TRPC5: variants seen among roughly 807,000 people sequenced by gnomAD.
The protein encoded by TRPC5 is short transient receptor potential channel 5.
In TRPC5, 9 loss-of-function variants were observed where a neutral mutation model predicts 56.5. The observed-to-expected ratio is 0.16, with a 90% CI of 0.10 to 0.28. The LOEUF (loss-of-function observed/expected upper bound fraction) is 0.28. Ranked by LOEUF, TRPC5 falls within the 10% of genes least tolerant of loss-of-function variation. TRPC5 has a pLI of 1.00. For missense variants in TRPC5, 469 were observed against 748.9 expected, an observed-to-expected ratio of 0.63 and a Z score of 4.36; for synonymous variants, 282 against 278.5, an observed-to-expected ratio of 1.01 and a Z score of -0.13.
In TRPC5 at chrX:111,853,933, C is replaced by G. The variant is rs756463091; in HGVS notation, c.1074G>C (p.Leu358=). The G allele has an allele frequency of 4.1e-6, 5 of 1,209,985 alleles. No individual in the cohort carries two copies. In the East Asian group the frequency reaches 8.9e-5, roughly 22 times the overall value. ...YLISPRSNLG[L]FIKKPFIKFI... is the part of the protein sequence containing the mutation. ...ACTTGATAAAGGGTTTCTTGATGAACAGCCCAAGGTTGCTCCTGGGTGAGA... is the reference window on the plus strand; with the variant it reads ...ACTTGATAAAGGGTTTCTTGATGAAGAGCCCAAGGTTGCTCCTGGGTGAGA... The change falls in exon 4 of 11, where the codon CTG becomes CTC. Residue 358 remains leucine, a synonymous_variant. Transcript: ENST00000262839.
At chrX:111,961,460 G>A (rs1927378875) in intron 1 of TRPC5, among the ~76,000 whole-genome samples, 1 of 111,363 alleles carries the variant, frequency 9.0e-6, no homozygotes, top group African/African-American at 3.3e-5. Flanking sequence ...TCTCTTGTGG[G>A]GAAGTAGCTC....
At chrX:111,856,314 GGGAGATTGCTTGACGCCA>G (rs1923226577) in intron 3 of TRPC5, among the ~76,000 whole-genome samples, 1 of 110,082 alleles carries the variant, frequency 9.1e-6, no homozygotes. Context: ...GGCCAAGGCG[GGGAGATTGCTTGACGCCA>G]GGAATTCAAG....
intron 1 of TRPC5, among the ~76,000 whole-genome samples, chrX:112,041,097 C>T (rs1929880248): frequency 9.0e-6 from 1 of 111,518 alleles, no homozygotes; most frequent in African/African-American, 3.3e-5. Flanking sequence ...TCAGCATTTC[C>T]AACCTACTAT....
intron 1 of TRPC5, among the ~76,000 whole-genome samples, chrX:112,047,016 C>T (rs771039671): frequency 8.9e-6 from 1 of 111,769 alleles, no homozygotes; most frequent in Non-Finnish European, 1.9e-5. Context: ...GAGAAGGAAT[C>T]GCTCCACTAG....
At chrX:112,035,263 C>G (rs1460077606) in intron 1 of TRPC5, among the ~76,000 whole-genome samples, 1 of 110,527 alleles carries the variant, frequency 9.0e-6, no homozygotes, top group Admixed American at 9.7e-5. Context: ...GGTGGCTACT[C>G]TGGATATCAG....
intron 1 of TRPC5, among the ~76,000 whole-genome samples, chrX:112,053,913 G>T (rs1930278742): frequency 9.0e-6 from 1 of 111,613 alleles, no homozygotes; most frequent in African/African-American, 3.3e-5. Flanking sequence ...TATTGAATTA[G>T]CTCACATGTA....
At chrX:111,991,686 G>A (rs768143801) in intron 1 of TRPC5, among the ~76,000 whole-genome samples, 1 of 111,884 alleles carries the variant, frequency 8.9e-6, no homozygotes, top group African/African-American at 3.2e-5. Context: ...TCACACCTAG[G>A]TCTATTCATC....
chrX:112,021,925 A>C (rs994095079), intron 1 of TRPC5, among the ~76,000 whole-genome samples: 2 of 112,580 alleles, frequency 1.8e-5, no homozygotes, highest in Non-Finnish European at 3.7e-5. Flanking sequence ...AAGTCTGTGA[A>C]GATTAAGAAT....
chrX:111,964,371 G>C (rs990968722), intron 1 of TRPC5, among the ~76,000 whole-genome samples: 4 of 112,338 alleles, frequency 3.6e-5, no homozygotes, highest in Non-Finnish European at 7.5e-5. Flanking sequence ...AAGTAACAGG[G>C]AGAATGGAAC....
intron 1 of TRPC5, among the ~76,000 whole-genome samples, chrX:112,068,666 C>T (rs1930644799): frequency 9.0e-6 from 1 of 111,263 alleles, no homozygotes; most frequent in Non-Finnish European, 1.9e-5. Flanking sequence ...TTGCTGGGAC[C>T]ATGTGGAACA....
At position 111,823,839 on chromosome X, in the gene TRPC5, G is replaced by A. The variant is rs113439712; in HGVS notation, c.1896+11082C>T. Among the ~76,000 whole-genome samples the A allele has an allele frequency of 2.7e-3, 296 of 110,801 alleles. 2 individuals are homozygous for A. Among genetic ancestry groups the A allele is most frequent in the African/African-American group, 9.4e-3 (287 of 30,462 alleles). On this transcript the variant is annotated intron_variant, in intron 7 of 10. Transcript: ENST00000262839. Reference sequence around the variant, plus strand: ...GAAGTCTGAGGTTGGGCAGGGGTCCGGTGTGGTTTGTGTATCAGGGCCTGG... The same window carrying A: ...GAAGTCTGAGGTTGGGCAGGGGTCCAGTGTGGTTTGTGTATCAGGGCCTGG...
intron 1 of TRPC5, among the ~76,000 whole-genome samples, chrX:112,008,599 C>CAAAA (rs771663324): frequency 1.4e-5 from 1 of 74,042 alleles, no homozygotes; most frequent in African/African-American, 4.5e-5. Context: ...GACTCTGTCT[C>CAAAA]AAAAAAAAAA....
rs145046410 is a variant in TRPC5 at position 111,928,535 on chromosome X, C to T, written c.379-15723G>A. On this transcript the variant is annotated intron_variant, in intron 2 of 10. Coordinates refer to ENST00000262839, the MANE Select transcript of TRPC5 (RefSeq NM_012471.3). ...CAATTTTATTGCTTTGAACTGGCAG[C>T]TGCATTGTCAATAGTGCAGTCTCAA... 4.0e-3 allele frequency among the ~76,000 whole-genome samples: 454 copies of T among 112,143 alleles called. 2 individuals carry two copies. Among genetic ancestry groups the T allele is most frequent in the African/African-American group, 0.014 (434 of 30,897 alleles).
intron 1 of TRPC5, among the ~76,000 whole-genome samples, chrX:112,076,231 C>T (rs1930831484): frequency 9.1e-6 from 1 of 109,865 alleles, no homozygotes; most frequent in Non-Finnish European, 1.9e-5. Flanking sequence ...TGGAACATAC[C>T]AAAGGACTGG....
chrX:111,829,000 G>T (rs1042815655), intron 7 of TRPC5, among the ~76,000 whole-genome samples: 1 of 111,782 alleles, frequency 8.9e-6, no homozygotes, highest in African/African-American at 3.3e-5. Flanking sequence ...GCATTCAGTA[G>T]GAAGCAGAGC....
At chrX:111,809,481 C>G (rs1316223949) in intron 7 of TRPC5, among the ~76,000 whole-genome samples, 2 of 111,616 alleles carry the variant, frequency 1.8e-5, no homozygotes, top group African/African-American at 3.3e-5. Context: ...CCACTATGCT[C>G]TCCCTCTTCC....
intron 2 of TRPC5, among the ~76,000 whole-genome samples, chrX:111,944,463 A>G (rs775448829): frequency 3.2e-4 from 35 of 111,015 alleles, no homozygotes; most frequent in Non-Finnish European, 5.3e-4. Context: ...TTTAAGAACC[A>G]CTTGTTTAGA....
rs1443086833 is a variant in TRPC5 at position 111,768,634 on chromosome X, G to C, written c.*7679C>G. ...GTCTGTGTCTTTACTGTTGAGATAA[G>C]ATACAGCTTTACTTTTACTTTGTTA... On this transcript the variant is annotated 3_prime_UTR_variant, in exon 11 of 11. Transcript: ENST00000262839. Among the ~76,000 whole-genome samples the C allele has an allele frequency of 8.9e-6, 1 of 112,016 alleles. No homozygotes were observed. Among genetic ancestry groups the C allele is most frequent in the Non-Finnish European group, 1.9e-5 (1 of 53,140 alleles).
At chrX:111,996,363 T>G (rs1282172209) in intron 1 of TRPC5, among the ~76,000 whole-genome samples, 1 of 112,099 alleles carries the variant, frequency 8.9e-6, no homozygotes, top group Non-Finnish European at 1.9e-5. Context: ...TTGTTGTGAT[T>G]TCTGGTCTTT....
Sources: gnomAD v4.1 joint callset for allele counts (sites outside exome capture counted in the v4.1 genomes callset) on GRCh38, gnomAD v4.1.1 for gene constraint, MANE v1.5 for transcripts, NCBI Gene and HGNC (gene_info 2026-07-23, HGNC 2026-07-21) for gene names.